The following CSPG4 variants were observed in gnomAD, a reference collection of about 807,000 sequenced individuals.
CSPG4 encodes the protein chondroitin sulfate proteoglycan 4, also known as chondroitin sulfate proteoglycan 4 (melanoma-associated).
In CSPG4, 74 loss-of-function variants were observed where a neutral mutation model predicts 139.3. The ratio of observed to expected loss-of-function variants is 0.53; its 90% CI spans 0.44 to 0.64. The LOEUF (loss-of-function observed/expected upper bound fraction) is 0.64. Ranked by LOEUF, CSPG4 falls within the 30% of genes least tolerant of loss-of-function variation. The pLI is 0.00. For synonymous variants in CSPG4, 1,234 were observed against 1,394.2 expected (o/e 0.89, Z 2.56); for missense variants, 2,565 against 3,148.3 (o/e 0.81, Z 4.43).
At chr15:75,691,841 T>G (rs1274851347) in intron 2 of CSPG4, among the ~76,000 whole-genome samples, 9 of 152,256 alleles carry the variant, frequency 5.9e-5, no homozygotes, top group African/African-American at 2.4e-5. Flanking sequence ...AGCATCTCTG[T>G]AGGGGTGTGG....
rs1894088796 is a variant in CSPG4 at position 75,687,982 on chromosome 15, T to C, written c.3083A>G (p.His1028Arg). ...APVQTISRIF[H>R]VARGGRRLLT... ...CAGCCGCCGCCCACCCCGGGCCACA[T>C]GGAAGATCCGGCTGATGGTCTGCAC... The change falls in exon 3 of 10, where the codon CAT becomes CGT. Residue 1028 changes from histidine to arginine, a missense_variant. Physicochemically the swap from His to Arg is conservative, Grantham distance 29. This residue lies in a region of CSPG4 where 2,316 missense variants were observed against 2,818.2 expected (regional missense o/e 0.82). Transcript: ENST00000308508. The surrounding 1 kb of genome is among the most constrained non-coding windows in gnomAD (Gnocchi z 5.4). 4.3e-6 allele frequency: 7 copies of C among 1,612,458 alleles called. No homozygotes were observed. The highest frequency in any genetic ancestry group is 1.7e-5 in the Admixed American group (1 of 59,984).
At chr15:75,708,588 C>T (rs1414866940) in intron 1 of CSPG4, among the ~76,000 whole-genome samples, 1 of 152,216 alleles carries the variant, frequency 6.6e-6, no homozygotes, top group African/African-American at 2.4e-5. Context: ...GGGGCCTGAG[C>T]CCACTGGTGG....
intron 1 of CSPG4, among the ~76,000 whole-genome samples, chr15:75,694,957 C>T (rs1348918737): frequency 6.6e-6 from 1 of 152,176 alleles, no homozygotes; most frequent in Non-Finnish European, 1.5e-5. Flanking sequence ...GGCACATGGC[C>T]CTGCAGGATA....
chr15:75,676,239 C>T lies in CSPG4; in HGVS notation c.6280G>A (p.Val2094Met), dbSNP rs1458881204. The change falls in exon 10 of 10, where the codon GTG (valine) becomes ATG (methionine). Residue 2094 changes from valine (V) to methionine (M), a missense_variant. By Grantham distance (21) the Val-to-Met change is conservative. Transcript: ENST00000308508. Reference sequence around the variant, plus strand: ...GTCCTGGCTCGGGGCACGCGGACCACGCGGCCATGCCGGGGTCCCTCCAGG... The same window carrying T: ...GTCCTGGCTCGGGGCACGCGGACCATGCGGCCATGCCGGGGTCCCTCCAGG... ...RLLEGPRHGR[V>M]VRVPRARTEP... 7.7e-6 allele frequency: 12 copies of T among 1,555,234 alleles called. No homozygotes were observed. Among genetic ancestry groups the T allele is most frequent in the South Asian group, 4.6e-5 (4 of 86,562 alleles).
At position 75,687,706 on chromosome 15, in the gene CSPG4, A is replaced by C. The variant is rs1596008435; in HGVS notation, c.3359T>G (p.Val1120Gly). 6.2e-7 allele frequency: 1 copy of C among 1,612,812 alleles called. No homozygotes were observed. Residue 1120 changes from valine to glycine, a missense_variant, in exon 3 of 10, where the codon GTG becomes GGG. Transcript: ENST00000308508. This position sits in a 1 kb window ranked among gnomAD's most constrained non-coding sequence, Gnocchi z 5.4. ...ACGGAGGTAGGGTTCCGAGGCCTGC[A>C]CCTCCAGCAGCGCAGTGGCCTGGTG... The part of the protein sequence containing the change: ...GQHQATALLE[V>G]QASEPYLRVA...
rs1486597423 is a variant in CSPG4 at position 75,712,659 on chromosome 15, C to T, written c.88+9G>A. 2 of 1,554,896 alleles carry T rather than the reference C, an allele frequency of 1.3e-6. No individual in the cohort carries two copies. The highest frequency in any genetic ancestry group is 1.9e-5 in the Admixed American group (1 of 51,324). ...CAGGCTGGGTCGGGGTCTCAGGCCC[C>T]TCACTCACCCGCGGATGCAAGTCTG... On this transcript the variant is annotated intron_variant, in intron 1 of 9. Transcript: ENST00000308508.
rs763811011 is a variant in CSPG4, at chr15:75,709,246, GC to G, written c.88+3421del. ...ACAGTAAATCTGAAACCTGCCCTAA[GC>G]CTGCAGCTGGAGGAAGAGCCTTAAC... On this transcript the variant is annotated intron_variant, in intron 1 of 9. Coordinates refer to ENST00000308508, the MANE Select transcript of CSPG4 (RefSeq NM_001897.5). 2.6e-5 allele frequency among the ~76,000 whole-genome samples: 4 copies of G among 152,302 alleles called. No homozygotes were observed. The East Asian group carries it at 5.8e-4, about 22-fold the overall frequency.
rs572139240 is a variant in CSPG4, at chr15:75,696,077, A to C, written c.89-2844T>G. 3.9e-5 allele frequency among the ~76,000 whole-genome samples: 6 copies of C among 152,322 alleles called. No individual in the cohort carries two copies. The South Asian group carries it at 1.2e-3, about 32-fold the overall frequency. ...AGGACCCATGATTCATCAAAACAGCAGACCAAACCTGTAGCAGCCCCATGG... is the reference window on the plus strand; with the variant it reads ...AGGACCCATGATTCATCAAAACAGCCGACCAAACCTGTAGCAGCCCCATGG... On this transcript the variant is annotated intron_variant, in intron 1 of 9. Coordinates refer to ENST00000308508, the MANE Select transcript of CSPG4 (RefSeq NM_001897.5). This position sits in a 1 kb window ranked among gnomAD's most constrained non-coding sequence, Gnocchi z 4.2.
At position 75,688,578 on chromosome 15, in the gene CSPG4, G is replaced by C. The variant is rs771321665; in HGVS notation, c.2487C>G (p.Pro829=). The change falls in exon 3 of 10, where the codon CCC becomes CCG. Residue 829 remains proline, a synonymous_variant. Coordinates refer to ENST00000308508, the MANE Select transcript of CSPG4 (RefSeq NM_001897.5). ...PTFHYEVVQA[P]RKGNLQLQGT... The stretch of plus-strand genomic sequence containing the variant: ...CCTGTAGTTGAAGGTTGCCTTTCCT[G>C]GGAGCCTGAACCACCTCATAATGGA... 1 of 1,613,020 alleles carries C rather than the reference G, an allele frequency of 6.2e-7. No homozygotes were observed. The highest frequency in any genetic ancestry group is 8.5e-7 in the Non-Finnish European group (1 of 1,179,974).
In CSPG4 at chr15:75,687,887, G is replaced by A. The variant is rs542356318; in HGVS notation, c.3178C>T (p.Arg1060Cys). The A allele has an allele frequency of 1.5e-5, 24 of 1,612,942 alleles. No individual in the cohort carries two copies. The highest frequency in any genetic ancestry group is 5.3e-5 in the African/African-American group (4 of 75,074). ...GFADAQLVLTRKDLLFGSIVA... is the reference protein window; with the variant it reads ...GFADAQLVLTCKDLLFGSIVA... ...ATACTGCCAAAGAGGAGGTCCTTGC[G>A]GGTAAGCACCAGCTGGGCGTCAGCA... Residue 1060 changes from arginine to cysteine, a missense_variant, in exon 3 of 10, where the codon CGC becomes TGC. Arg to Cys is a radical substitution (Grantham distance 180). This residue lies in a region of CSPG4 where 2,316 missense variants were observed against 2,818.2 expected (regional missense o/e 0.82). Coordinates refer to ENST00000308508, the MANE Select transcript of CSPG4 (RefSeq NM_001897.5). This position sits in a 1 kb window ranked among gnomAD's most constrained non-coding sequence, Gnocchi z 5.4.
intron 8 of CSPG4, among the ~76,000 whole-genome samples, chr15:75,682,071 C>T (rs1010092041): frequency 7.9e-5 from 12 of 152,254 alleles, no homozygotes; most frequent in African/African-American, 2.2e-4. Flanking sequence ...CCTGTATCCC[C>T]GACTTTCTGC....
Position 75,687,949 on chromosome 15 carries a change from G to GT in CSPG4, c.3115dup (p.Thr1039AsnfsTer10). The GT allele has an allele frequency of 6.2e-7, 1 of 1,612,926 alleles. No individual in the cohort carries two copies. Among genetic ancestry groups the GT allele is most frequent in the Non-Finnish European group, 8.5e-7 (1 of 1,180,026 alleles). On this transcript the variant is annotated frameshift_variant, in exon 3 of 10. Transcript: ENST00000308508. LOFTEE classifies it high-confidence loss of function. The surrounding 1 kb of genome is among the most constrained non-coding windows in gnomAD (Gnocchi z 5.4). The stretch of plus-strand genomic sequence containing the variant: ...AGCATCGCTGAAGGCCACGTCGTCT[G>GT]TAGTCAGCAGCCGCCGCCCACCCCG...
At chr15:75,700,202 G>A (rs956974905) in intron 1 of CSPG4, among the ~76,000 whole-genome samples, 9 of 152,180 alleles carry the variant, frequency 5.9e-5, no homozygotes, top group Admixed American at 5.9e-4. Context: ...CACATGCACC[G>A]TGTGTGCACC....
At position 75,689,886 on chromosome 15, in the gene CSPG4, T is replaced by G. The variant is rs78884605; in HGVS notation, c.1179A>C (p.Gly393=). Residue 393 remains glycine, a synonymous_variant, in exon 3 of 10, where the codon GGA becomes GGC. Transcript: ENST00000308508. ...EEEEYEDDAY[G]HYEAFSTLAP... is the part of the protein sequence containing the mutation. ...CCAGGGTGGAGAAAGCTTCATAATG[T>G]CCATAGGCATCGTCCTCATACTCCT... 0.15 allele frequency: 228,687 copies of G among 1,527,990 alleles called. 15,460 individuals are homozygous for G. The highest frequency in any genetic ancestry group is 0.27 in the Middle Eastern group (1,543 of 5,740). The allele number at this position is 1,527,990 out of a possible 1,614,324, so 94.7% of individuals were successfully genotyped here.
rs367602046 is a variant in CSPG4 at position 75,685,213 on chromosome 15, C to G, written c.4272+6G>C. 2.8e-5 allele frequency: 43 copies of G among 1,516,096 alleles called. No individual in the cohort carries two copies. Among genetic ancestry groups the G allele is most frequent in the Non-Finnish European group, 3.4e-5 (39 of 1,133,644 alleles). 93.9% of individuals were successfully genotyped at this position (1,516,096 alleles called of 1,614,324 possible). A position where few individuals can be genotyped will look rare whatever the true frequency, so the allele number is the denominator to read the frequency against. On this transcript the variant is annotated splice_donor_region_variant and intron_variant, in intron 4 of 9. Transcript: ENST00000308508. ...TGCAGCCCCTGGGCCTCTCTCACAG[C>G]CATACCATTCTCCAGGAGAAGGCGC...
chr15:75,707,593 C>T (rs528520847), intron 1 of CSPG4, among the ~76,000 whole-genome samples: 17 of 152,346 alleles, frequency 1.1e-4, no homozygotes, highest in South Asian at 6.2e-4. Context: ...AAGCTGGGAC[C>T]ACCTTCTGCT....
Position 75,687,597 on chromosome 15 carries a change from G to C in CSPG4, c.3468C>G (p.Leu1156=), listed in dbSNP as rs754936270. ...DTAVLHLDTN[L]DIRSGDEVHY... is the part of the protein sequence containing the mutation. ...GGACCTCATCCCCACTGCGGATGTC[G>C]AGGTTGGTGTCCAGGTGGAGCACGG... The change falls in exon 3 of 10, where the codon CTC becomes CTG. Residue 1156 remains leucine, a synonymous_variant. Coordinates refer to ENST00000308508, the MANE Select transcript of CSPG4 (RefSeq NM_001897.5). The surrounding 1 kb of genome is among the most constrained non-coding windows in gnomAD (Gnocchi z 5.4). 2 of 1,611,130 alleles carry C rather than the reference G, an allele frequency of 1.2e-6. No homozygotes were observed. The highest frequency in any genetic ancestry group is 1.7e-6 in the Non-Finnish European group (2 of 1,178,724).
intron 1 of CSPG4, among the ~76,000 whole-genome samples, chr15:75,706,840 CACAGCACAG>C (rs1420843948): frequency 6.6e-6 from 1 of 152,118 alleles, no homozygotes; most frequent in Non-Finnish European, 1.5e-5. Context: ...AAGGACATAG[CACAGCACAG>C]TTGAGCATCC....
At chr15:75,680,002 A>G (rs1893951089) in intron 8 of CSPG4, 1 of 152,270 alleles carries the variant, frequency 6.6e-6, no homozygotes, top group Non-Finnish European at 1.5e-5. Flanking sequence ...CCCTTTTAGG[A>G]AACACTGGGA....
Sources: gnomAD v4.1 joint callset for allele counts (sites outside exome capture counted in the v4.1 genomes callset) on GRCh38, gnomAD v4.1.1 for gene constraint, gnomAD v4.1.1 regional missense constraint, Gnocchi (gnomAD v3.1) non-coding constraint, MANE v1.5 for transcripts, NCBI Gene and HGNC (gene_info 2026-07-23, HGNC 2026-07-21) for gene names.